Variants in FMN1 observed in about 807,000 individuals in gnomAD.
The protein encoded by FMN1 is formin 1, also known as formin-1.
Under a neutral mutation model 132.4 loss-of-function variants are expected in FMN1, and 110 were observed. The ratio of observed to expected loss-of-function variants is 0.83; its 90% CI spans 0.71 to 0.97. The LOEUF (loss-of-function observed/expected upper bound fraction) is 0.97. FMN1 is among the 50% of genes least tolerant of loss of function. The pLI, the probability that FMN1 is intolerant of heterozygous loss-of-function variation, is 0.00. For missense variants in FMN1, 1,792 were observed against 1,705.3 expected, an observed-to-expected ratio of 1.05 and a Z score of -0.90; for synonymous variants, 722 against 651.7, an observed-to-expected ratio of 1.11 and a Z score of -1.64.
intron 17 of FMN1, among the ~76,000 whole-genome samples, chr15:32,822,006 T>A (rs982820429): frequency 1.3e-5 from 2 of 152,228 alleles, no homozygotes; most frequent in African/African-American, 2.4e-5. Flanking sequence ...TCTTTGCTCA[T>A]TATACCTTTT....
At chr15:33,082,897 T>A (rs1337525267) in intron 5 of FMN1, among the ~76,000 whole-genome samples, 1 of 152,086 alleles carries the variant, frequency 6.6e-6, no homozygotes, top group African/African-American at 2.4e-5. Flanking sequence ...AACCAAAAAA[T>A]TTTGTAATAT....
At chr15:32,955,744 T>C (rs915226482) in intron 9 of FMN1, among the ~76,000 whole-genome samples, 1 of 152,228 alleles carries the variant, frequency 6.6e-6, no homozygotes, top group Non-Finnish European at 1.5e-5. Flanking sequence ...CAAATCTATA[T>C]TCAAATAAAC....
Position 32,767,143 on chromosome 15 carries a change from C to T in FMN1, c.*7167G>A, listed in dbSNP as rs2056075364. 1 of 152,162 alleles carries T rather than the reference C, an allele frequency of 6.6e-6. No individual in the cohort carries two copies. The highest frequency in any genetic ancestry group is 2.4e-5 in the African/African-American group (1 of 41,436). 9.4% of individuals were successfully genotyped at this position (152,162 alleles called of 1,614,324 possible). A position where few individuals can be genotyped will look rare whatever the true frequency, so the allele number is the denominator to read the frequency against. On this transcript the variant is annotated 3_prime_UTR_variant, in exon 21 of 21. Coordinates refer to ENST00000616417, the MANE Select transcript of FMN1 (RefSeq NM_001277313.2). ...CGATACGACCATGGCAAAAAATCAC[C>T]AGCTCCCTAACAATGTAATCTATCA...
chr15:33,156,450 T>A (rs376619680), intron 3 of FMN1, among the ~76,000 whole-genome samples: 1 of 151,566 alleles, frequency 6.6e-6, no homozygotes, highest in East Asian at 1.9e-4. Context: ...CCCAGCTAGT[T>A]TTTTTGTATT....
At chr15:32,821,642 G>A (rs1415723846) in intron 17 of FMN1, among the ~76,000 whole-genome samples, 1 of 151,680 alleles carries the variant, frequency 6.6e-6, no homozygotes, top group African/African-American at 2.4e-5. Flanking sequence ...AGTAGAGATG[G>A]GGTTTCACCA....
intron 4 of FMN1, among the ~76,000 whole-genome samples, chr15:33,107,587 G>C (rs929440197): frequency 2.6e-5 from 4 of 152,038 alleles, no homozygotes; most frequent in African/African-American, 9.7e-5. Context: ...TTACACTGGT[G>C]TTTTCTTGGC....
chr15:33,024,088 A>G (rs886867970), intron 6 of FMN1, among the ~76,000 whole-genome samples: 8 of 152,306 alleles, frequency 5.3e-5, no homozygotes, highest in Middle Eastern at 3.4e-3. Flanking sequence ...AAAAATGAAC[A>G]AAAGGACAGT....
intron 17 of FMN1, among the ~76,000 whole-genome samples, chr15:32,806,831 G>A (rs11632555): frequency 0.24 from 36,476 of 152,092 alleles, 4,695 homozygotes; most frequent in Admixed American, 0.29. Context: ...TCCAGCTTCC[G>A]TAAATAAAAG....
At chr15:32,923,879 ACT>A (rs1315748907) in intron 10 of FMN1, among the ~76,000 whole-genome samples, 1 of 152,126 alleles carries the variant, frequency 6.6e-6, no homozygotes, top group Non-Finnish European at 1.5e-5. Flanking sequence ...CATTGTGAAA[ACT>A]CACATCCACA....
intron 17 of FMN1, among the ~76,000 whole-genome samples, chr15:32,836,445 T>C (rs2058629278): frequency 6.6e-6 from 1 of 152,192 alleles, no homozygotes; most frequent in South Asian, 2.1e-4. Context: ...GTGTCATTTA[T>C]AGTAGCAATA....
At chr15:33,077,418 G>A (rs931988442) in intron 5 of FMN1, among the ~76,000 whole-genome samples, 20 of 149,608 alleles carry the variant, frequency 1.3e-4, no homozygotes. Flanking sequence ...ACAACATGCA[G>A]GTTTGTTACA....
intron 4 of FMN1, among the ~76,000 whole-genome samples, chr15:33,141,724 G>C (rs1964017892): frequency 6.6e-6 from 1 of 152,138 alleles, no homozygotes; most frequent in African/African-American, 2.4e-5. Flanking sequence ...TGAGAAGAAG[G>C]TGTAATCTTG....
At position 32,853,469 on chromosome 15, in the gene FMN1, T is replaced by C. The variant is rs571289072; in HGVS notation, c.3928+3546A>G. 3.9e-5 allele frequency among the ~76,000 whole-genome samples: 6 copies of C among 152,328 alleles called. No individual in the cohort carries two copies. In the East Asian group the frequency reaches 1.2e-3, roughly 29 times the overall value. ...ACAATAAATAGCGTATTAGATGAAA[T>C]ACTATAAACTGTATGACAATTGTCA... On this transcript the variant is annotated intron_variant, in intron 17 of 20. Transcript: ENST00000616417.
At position 33,181,466 on chromosome 15, in the gene FMN1, G is replaced by A. The variant is rs576411068; in HGVS notation, c.-196-1204C>T. On this transcript the variant is annotated intron_variant, in intron 2 of 20. Transcript: ENST00000616417. Reference sequence around the variant, plus strand: ...TGACCTCCACACACAAAAGCTGCTCGCTGCAAACACCTGTGACTTTCTGCC... The same window carrying A: ...TGACCTCCACACACAAAAGCTGCTCACTGCAAACACCTGTGACTTTCTGCC... Among the ~76,000 whole-genome samples, 11 of 152,178 alleles carry A rather than the reference G, an allele frequency of 7.2e-5. No individual in the cohort carries two copies. The South Asian group carries it at 8.3e-4, about 11-fold the overall frequency.
chr15:33,090,277 T>C (rs2038857514), intron 4 of FMN1, among the ~76,000 whole-genome samples: 1 of 152,190 alleles, frequency 6.6e-6, no homozygotes, highest in Non-Finnish European at 1.5e-5. Context: ...CAATGGCTTC[T>C]ACCATGCTGA....
chr15:32,798,216 A>ACACACACACACCC (rs1286307994), intron 19 of FMN1, among the ~76,000 whole-genome samples: 52 of 140,986 alleles, frequency 3.7e-4, no homozygotes, highest in African/African-American at 1.2e-3. Context: ...ACACACACAC[A>ACACACACACACCC]CCCCGTCTAT....
At chr15:32,845,448 T>C (rs553653122) in intron 17 of FMN1, among the ~76,000 whole-genome samples, 1 of 152,336 alleles carries the variant, frequency 6.6e-6, no homozygotes, top group Admixed American at 6.5e-5. Context: ...AATCTACTAT[T>C]CTGATACTTT....
At chr15:32,891,665 A>G (rs918133141) in intron 15 of FMN1, among the ~76,000 whole-genome samples, 1 of 152,180 alleles carries the variant, frequency 6.6e-6, no homozygotes, top group Non-Finnish European at 1.5e-5. Context: ...CAATATTGAT[A>G]CTACCCATCC....
intron 19 of FMN1, among the ~76,000 whole-genome samples, chr15:32,787,616 T>A (rs921105625): frequency 1.3e-5 from 2 of 152,190 alleles, no homozygotes; most frequent in Non-Finnish European, 2.9e-5. Context: ...TTTGGGAGGC[T>A]GAGGCAGGAC....
Sources: gnomAD v4.1 joint callset for allele counts (sites outside exome capture counted in the v4.1 genomes callset) on GRCh38, gnomAD v4.1.1 for gene constraint, MANE v1.5 for transcripts, NCBI Gene and HGNC (gene_info 2026-07-23, HGNC 2026-07-21) for gene names.